GABBR2: variants seen among roughly 807,000 people sequenced by gnomAD.
The protein encoded by GABBR2 is G-protein coupled receptor 51.
A neutral mutation model predicts 105.6 loss-of-function variants in GABBR2; 23 were observed. The ratio of observed to expected loss-of-function variants is 0.22; its 90% CI spans 0.16 to 0.31. The LOEUF is 0.31. Ranked by LOEUF, GABBR2 falls within the 10% of genes least tolerant of loss-of-function variation. The pLI is 1.00. For synonymous variants in GABBR2, 478 were observed against 499.7 expected (o/e 0.96, Z 0.58); for missense variants, 734 against 1,245.5 (o/e 0.59, Z 6.18).
intron 13 of GABBR2, among the ~76,000 whole-genome samples, chr9:98,327,595 G>A (rs578171876): frequency 1.3e-5 from 2 of 151,988 alleles, no homozygotes; most frequent in Non-Finnish European, 2.9e-5. Context: ...AAGGCCGGGC[G>A]CAGTGGCTGA....
chr9:98,616,527 G>T (rs992240076), intron 1 of GABBR2, among the ~76,000 whole-genome samples: 1 of 152,218 alleles, frequency 6.6e-6, no homozygotes, highest in African/African-American at 2.4e-5. Context: ...GCCGAGGTAG[G>T]CAGATCATTT....
chr9:98,687,120 GCAGTGAAAACAAATTTTATT>G (rs1438570296), intron 1 of GABBR2, among the ~76,000 whole-genome samples: 18 of 151,746 alleles, frequency 1.2e-4, no homozygotes, highest in African/African-American at 3.6e-4. Flanking sequence ...ACTAGTTAAA[GCAGTGAAAACAAATTTTATT>G]CAGGATGTTA....
intron 16 of GABBR2, among the ~76,000 whole-genome samples, chr9:98,301,550 T>G (rs553200725): frequency 6.6e-6 from 1 of 152,302 alleles, no homozygotes; most frequent in Non-Finnish European, 1.5e-5. Context: ...CACGTTTTCA[T>G]GTGGAGGAGG....
At chr9:98,575,775 C>A (rs895635859) in intron 2 of GABBR2, among the ~76,000 whole-genome samples, 10 of 152,162 alleles carry the variant, frequency 6.6e-5, no homozygotes, top group African/African-American at 2.4e-4. Context: ...TAGGTTTGCA[C>A]CAGAGCACAT....
chr9:98,441,284 AAAT>A (rs1471365423), intron 7 of GABBR2, among the ~76,000 whole-genome samples: 4 of 146,294 alleles, frequency 2.7e-5, no homozygotes, highest in Non-Finnish European at 6.0e-5. Flanking sequence ...CTATCATAAT[AAAT>A]AATAGCTAAA....
At chr9:98,608,252 C>T (rs1564129598) in intron 1 of GABBR2, 3 of 598,510 alleles carry the variant, frequency 5.0e-6, no homozygotes, top group East Asian at 3.0e-5. Context: ...GATTTAAGAG[C>T]ATGACACACA....
intron 1 of GABBR2, among the ~76,000 whole-genome samples, chr9:98,602,603 T>C (rs943463224): frequency 6.6e-6 from 1 of 152,146 alleles, no homozygotes; most frequent in African/African-American, 2.4e-5. Flanking sequence ...CAACTCCTCA[T>C]TTTAATATCG....
chr9:98,459,910 C>T (rs1826394243), intron 6 of GABBR2, among the ~76,000 whole-genome samples: 1 of 152,130 alleles, frequency 6.6e-6, no homozygotes, highest in Non-Finnish European at 1.5e-5. Context: ...TACATTTTCC[C>T]TGGAGAAAGA....
intron 4 of GABBR2, among the ~76,000 whole-genome samples, chr9:98,489,286 G>A (rs924937038): frequency 3.9e-5 from 6 of 152,310 alleles, no homozygotes; most frequent in African/African-American, 9.6e-5. Flanking sequence ...AAGCAGAAGC[G>A]TTGGATGAGG....
At chr9:98,536,987 C>G (rs1828193794) in intron 3 of GABBR2, among the ~76,000 whole-genome samples, 1 of 152,192 alleles carries the variant, frequency 6.6e-6, no homozygotes, top group South Asian at 2.1e-4. Flanking sequence ...AGCTCAAGGT[C>G]TCCCACCACC....
rs557643980 is a variant in GABBR2 at position 98,449,911 on chromosome 9, G to A, written c.1236+4070C>T. Among the ~76,000 whole-genome samples, 31 of 152,278 alleles carry A rather than the reference G, an allele frequency of 2.0e-4. No homozygotes were observed. In the South Asian group the frequency reaches 4.4e-3, roughly 21 times the overall value. ...CAGGGACATGGAATCCCACTTCAGAGTGTTCCCTGAGGAGAGTCACTGGGA... is the reference window on the plus strand; with the variant it reads ...CAGGGACATGGAATCCCACTTCAGAATGTTCCCTGAGGAGAGTCACTGGGA... On this transcript the variant is annotated intron_variant, in intron 7 of 18. Transcript: ENST00000259455.
At chr9:98,466,037 C>T (rs1034863401) in intron 6 of GABBR2, among the ~76,000 whole-genome samples, 1 of 152,218 alleles carries the variant, frequency 6.6e-6, no homozygotes, top group Non-Finnish European at 1.5e-5. Flanking sequence ...TCCCCCTTTG[C>T]TCTCTTCCTC....
chr9:98,667,592 C>T (rs976805854), intron 1 of GABBR2, among the ~76,000 whole-genome samples: 5 of 152,168 alleles, frequency 3.3e-5, no homozygotes, highest in Non-Finnish European at 5.9e-5. Context: ...GCTCTCCCAC[C>T]TTCAGGGCTC....
intron 1 of GABBR2, among the ~76,000 whole-genome samples, chr9:98,683,619 T>C (rs912841742): frequency 2.0e-5 from 3 of 152,034 alleles, no homozygotes; most frequent in Non-Finnish European, 4.4e-5. Flanking sequence ...ATCATGGAGA[T>C]GCGCATCTAT....
intron 1 of GABBR2, among the ~76,000 whole-genome samples, chr9:98,674,557 A>T (rs1830450638): frequency 6.6e-6 from 1 of 152,094 alleles, no homozygotes; most frequent in Non-Finnish European, 1.5e-5. Flanking sequence ...GCAGGAGTCC[A>T]GTGTAGCAGA....
chr9:98,660,661 C>A (rs1046000525), intron 1 of GABBR2, among the ~76,000 whole-genome samples: 1 of 152,228 alleles, frequency 6.6e-6, no homozygotes, highest in Admixed American at 6.5e-5. Context: ...TCTTACAGGG[C>A]TAAAGTCAAG....
intron 2 of GABBR2, among the ~76,000 whole-genome samples, chr9:98,551,774 G>T (rs10986708): frequency 6.6e-5 from 10 of 152,034 alleles, no homozygotes; most frequent in Admixed American, 1.3e-4. Context: ...GGCCTCTTTA[G>T]GGAGCCGGGA....
chr9:98,617,781 G>C (rs1009535957), intron 1 of GABBR2, among the ~76,000 whole-genome samples: 13 of 152,186 alleles, frequency 8.5e-5, no homozygotes, highest in Non-Finnish European at 2.9e-5. Flanking sequence ...AGTCACAGCA[G>C]AGACAAGTTC....
intron 3 of GABBR2, among the ~76,000 whole-genome samples, chr9:98,508,814 C>A (rs977922866): frequency 6.6e-5 from 10 of 152,028 alleles, no homozygotes; most frequent in Admixed American, 6.5e-4. Context: ...AGGAGGCCTG[C>A]CTGCCTCTGT....
Sources: gnomAD v4.1 joint callset for allele counts (sites outside exome capture counted in the v4.1 genomes callset) on GRCh38, gnomAD v4.1.1 for gene constraint, MANE v1.5 for transcripts, NCBI Gene and HGNC (gene_info 2026-07-23, HGNC 2026-07-21) for gene names.